Variants in DMD observed in about 807,000 individuals in gnomAD.
DMD encodes the protein mutant dystrophin.
A neutral mutation model predicts 330.1 loss-of-function variants in DMD; 63 were observed. That is an observed-to-expected ratio of 0.19 (90% CI 0.16 to 0.24). DMD has a LOEUF of 0.24. Ranked by LOEUF, DMD falls within the 10% of genes least tolerant of loss-of-function variation. The probability of loss-of-function intolerance (pLI) is 1.00; values close to 1 mark genes in which losing one functional copy is unlikely to be tolerated. For missense variants in DMD, 3,344 were observed against 2,684.1 expected (o/e 1.25, Z -5.43); for synonymous variants, 1,223 against 959.8 (o/e 1.27, Z -5.07).
chrX:31,511,618 T>C (rs766424267), intron 55 of DMD, among the ~76,000 whole-genome samples: 1 of 107,928 alleles, frequency 9.3e-6, no homozygotes, highest in Non-Finnish European at 1.9e-5. Flanking sequence ...TTACTGAGAA[T>C]AATGATTTCC....
chrX:31,998,097 C>A (rs888738070), intron 44 of DMD, among the ~76,000 whole-genome samples: 2 of 111,282 alleles, frequency 1.8e-5, no homozygotes, highest in Non-Finnish European at 3.8e-5. Context: ...TGTAGTCTAC[C>A]ACTGTTTGTC....
rs193269844 is a variant in DMD at position 32,760,733 on chromosome X, T to C, written c.649+48760A>G. Among the ~76,000 whole-genome samples, 20 of 112,213 alleles carry C rather than the reference T, an allele frequency of 1.8e-4. No homozygotes were observed. In the Admixed American group the frequency reaches 1.9e-3, roughly 11 times the overall value. ...GAATACTTCATATATTGATGTTGCATATAGGCATCATTATGATCATTTGGA... is the reference window on the plus strand; with the variant it reads ...GAATACTTCATATATTGATGTTGCACATAGGCATCATTATGATCATTTGGA... On this transcript the variant is annotated intron_variant, in intron 7 of 78. Coordinates refer to ENST00000357033, the MANE Select transcript of DMD (RefSeq NM_004006.3).
intron 18 of DMD, among the ~76,000 whole-genome samples, chrX:32,503,346 C>T (rs5972587): frequency 0.017 from 1,895 of 112,006 alleles, 44 homozygotes; most frequent in African/African-American, 0.057. Flanking sequence ...ACTATCATTG[C>T]GCCACTGTAC....
intron 54 of DMD, among the ~76,000 whole-genome samples, chrX:31,648,300 A>G (rs1018345470): frequency 2.7e-5 from 3 of 111,206 alleles, no homozygotes; most frequent in African/African-American, 9.8e-5. Flanking sequence ...AAAATATAGA[A>G]GAAACATCCA....
chrX:31,788,271 GA>G (rs2091407757), intron 50 of DMD, among the ~76,000 whole-genome samples: 1 of 112,007 alleles, frequency 8.9e-6, no homozygotes, highest in African/African-American at 3.2e-5. Context: ...AAAGATCTGT[GA>G]AGCTGTATTA....
At chrX:31,289,907 T>G (rs866995922) in intron 62 of DMD, among the ~76,000 whole-genome samples, 1 of 81,155 alleles carries the variant, frequency 1.2e-5, no homozygotes, top group Non-Finnish European at 2.4e-5. Context: ...TGTTTATTAT[T>G]ATTATTATTA....
chrX:31,765,234 C>T (rs187680882), intron 51 of DMD, among the ~76,000 whole-genome samples: 30 of 111,670 alleles, frequency 2.7e-4, no homozygotes, highest in African/African-American at 7.8e-4. Flanking sequence ...ATGAAAAAGG[C>T]AGGCACATAT....
chrX:32,405,556 C>A (rs1384310404), intron 30 of DMD, among the ~76,000 whole-genome samples: 1 of 111,269 alleles, frequency 9.0e-6, no homozygotes, highest in Non-Finnish European at 1.9e-5. Context: ...TTAATAAAAT[C>A]TCTCATTAAA....
chrX:31,888,001 T>G (rs1486253962), intron 47 of DMD, among the ~76,000 whole-genome samples: 1 of 112,191 alleles, frequency 8.9e-6, no homozygotes, highest in Non-Finnish European at 1.9e-5. Flanking sequence ...ACATGACATT[T>G]CCAACTCTGT....
intron 74 of DMD, among the ~76,000 whole-genome samples, chrX:31,157,713 T>C (rs2148047159): frequency 9.0e-6 from 1 of 111,459 alleles, no homozygotes; most frequent in South Asian, 3.8e-4. Flanking sequence ...ATGGCCTATT[T>C]TTCACTCCCT....
chrX:32,627,437 C>A (rs143269028), intron 11 of DMD, among the ~76,000 whole-genome samples: 2,474 of 103,964 alleles, frequency 0.024, 458 homozygotes, highest in African/African-American at 0.098. Flanking sequence ...GAATTTGGGG[C>A]TTTTAAATAT....
chrX:31,929,761 GCAA>G lies in DMD; in HGVS notation c.6763-19_6763-17del. 4 of 1,209,477 alleles carry G rather than the reference GCAA, an allele frequency of 3.3e-6. No individual in the cohort carries two copies. In the South Asian group the frequency reaches 5.3e-5, roughly 16 times the overall value. Reference sequence around the variant, plus strand: ...CCACCAGTAACTGAAACAGACAAATGCAACAACGTTTAAAATGAATTACAGCAC... The same window carrying G: ...CCACCAGTAACTGAAACAGACAAATGCAACGTTTAAAATGAATTACAGCAC... On this transcript the variant is annotated splice_polypyrimidine_tract_variant and intron_variant, in intron 46 of 78. Coordinates refer to ENST00000357033, the MANE Select transcript of DMD (RefSeq NM_004006.3).
chrX:32,499,038 G>A (rs1213359036), intron 19 of DMD, among the ~76,000 whole-genome samples: 1 of 111,849 alleles, frequency 8.9e-6, no homozygotes, highest in Middle Eastern at 4.2e-3. Flanking sequence ...TTTAGAAACG[G>A]ACAGAAATCA....
intron 47 of DMD, among the ~76,000 whole-genome samples, chrX:31,910,672 T>C (rs2094536475): frequency 8.9e-6 from 1 of 111,987 alleles, no homozygotes; most frequent in Non-Finnish European, 1.9e-5. Context: ...TGTTTGGAGA[T>C]GACAAGGCAG....
chrX:32,236,794 A>G (rs1464230425), intron 43 of DMD, among the ~76,000 whole-genome samples: 1 of 111,892 alleles, frequency 8.9e-6, no homozygotes, highest in African/African-American at 3.2e-5. Flanking sequence ...AAAACCGACT[A>G]ATATGAAGTA....
chrX:32,178,940 TTCTCTCTCTC>T (rs528690053), intron 44 of DMD, among the ~76,000 whole-genome samples: 3,255 of 68,549 alleles, frequency 0.047, 141 homozygotes, highest in African/African-American at 0.14. Context: ...AAACCCCAGA[TTCTCTCTCTC>T]TCTCTCTCTC....
At chrX:32,029,077 G>T (rs775763759) in intron 44 of DMD, among the ~76,000 whole-genome samples, 18 of 110,804 alleles carry the variant, frequency 1.6e-4, no homozygotes, top group Non-Finnish European at 3.0e-4. Flanking sequence ...GAAACCTGAG[G>T]TTCACGGATA....
At chrX:32,335,451 G>A (rs1176210683) in intron 41 of DMD, among the ~76,000 whole-genome samples, 1 of 102,916 alleles carries the variant, frequency 9.7e-6, no homozygotes, top group Non-Finnish European at 2.0e-5. Context: ...ATGTATATAT[G>A]TATATACATG....
At chrX:31,709,598 G>GTA (rs1264628842) in intron 52 of DMD, among the ~76,000 whole-genome samples, 87 of 108,758 alleles carry the variant, frequency 8.0e-4, no homozygotes, top group African/African-American at 2.8e-3. Context: ...GTGTGTGTGT[G>GTA]TGTGTGTGTG....
Sources: gnomAD v4.1 joint callset for allele counts (sites outside exome capture counted in the v4.1 genomes callset) on GRCh38, gnomAD v4.1.1 for gene constraint, MANE v1.5 for transcripts, NCBI Gene and HGNC (gene_info 2026-07-23, HGNC 2026-07-21) for gene names.